RTTN: variants seen among roughly 807,000 people sequenced by gnomAD.
The protein encoded by RTTN is rotatin.
A neutral mutation model predicts 269.2 loss-of-function variants in RTTN; 182 were observed. That is an observed-to-expected ratio of 0.68 (90% CI 0.60 to 0.76). The LOEUF is 0.76. RTTN is among the 30% of genes least tolerant of loss of function. The pLI is 0.00. For missense variants in RTTN, 2,545 were observed against 2,608.6 expected (o/e 0.98, Z 0.53); for synonymous variants, 1,006 against 963.5 (o/e 1.04, Z -0.82).
intron 38 of RTTN, among the ~76,000 whole-genome samples, chr18:70,051,763 T>C (rs991575159): frequency 4.6e-5 from 7 of 152,182 alleles, no homozygotes; most frequent in Non-Finnish European, 1.0e-4. Flanking sequence ...CCCTCCTGCA[T>C]ATAAAGCCAC....
intron 29 of RTTN, 49 bp downstream of exon 29, chr18:70,092,627 T>C: frequency 6.3e-7 from 1 of 1,588,764 alleles, no homozygotes. Context: ...ACACAGCACA[T>C]TCCCTTTCAA....
intron 37 of RTTN, among the ~76,000 whole-genome samples, 197 bp downstream of exon 37, chr18:70,057,545 C>T (rs2057853664): frequency 1.3e-5 from 2 of 152,222 alleles, no homozygotes; most frequent in Admixed American, 1.3e-4. Context: ...TCTAGGTCTT[C>T]AAACCCCACC....
In RTTN at chr18:70,104,004, C is replaced by T. The variant is rs191000238; in HGVS notation, c.3903+5494G>A. ...TCTCAAGGAGTATCTTTGTGGCGTT[C>T]TCTGTATTTCCTGAATTTGAATGTT... On this transcript the variant is annotated intron_variant, in intron 28 of 48. Coordinates refer to ENST00000640769, the MANE Select transcript of RTTN (RefSeq NM_173630.4). Among the ~76,000 whole-genome samples, 499 of 152,170 alleles carry T rather than the reference C, an allele frequency of 3.3e-3. 14 individuals are homozygous for T. Among genetic ancestry groups the T allele is most frequent in the Admixed American group, 0.026 (401 of 15,278 alleles).
At chr18:70,120,529 C>T (rs573908283) in intron 26 of RTTN, among the ~76,000 whole-genome samples, 2 of 152,206 alleles carry the variant, frequency 1.3e-5, no homozygotes, top group South Asian at 4.1e-4. Flanking sequence ...CTTATAAGAT[C>T]CACTATGTCC....
chr18:70,026,947 G>A lies in RTTN; in HGVS notation c.5823+1777C>T, dbSNP rs546787162. ...GCTAGCACGTGCAAGCATGAATATC[G>A]GGTCTCTCACACCTGTGCTCTGCTC... On this transcript the variant is annotated intron_variant, in intron 43 of 48. Coordinates refer to ENST00000640769, the MANE Select transcript of RTTN (RefSeq NM_173630.4). Among the ~76,000 whole-genome samples the A allele has an allele frequency of 8.4e-4, 128 of 152,154 alleles. 3 individuals carry two copies. Among genetic ancestry groups the A allele is most frequent in the African/African-American group, 2.9e-3 (121 of 41,506 alleles).
Position 70,092,322 on chromosome 18 carries a change from G to T in RTTN, c.4033-102C>A, listed in dbSNP as rs1023529469. 1.3e-5 allele frequency: 10 copies of T among 768,942 alleles called. No individual in the cohort carries two copies. The East Asian group carries it at 1.9e-4, about 15-fold the overall frequency. The allele number at this position is 768,942 out of a possible 1,614,324, so 47.6% of individuals were successfully genotyped here. A position where few individuals can be genotyped will look rare whatever the true frequency, so the allele number is the denominator to read the frequency against. ...TTTTTAATGAAAACAACGTGAAAAT[G>T]TATTTTAGACTTGGTTTTAATCCAT... On this transcript the variant is annotated intron_variant, in intron 29 of 48. Coordinates refer to ENST00000640769, the MANE Select transcript of RTTN (RefSeq NM_173630.4).
At chr18:70,051,097 A>T (rs2057652544) in intron 39 of RTTN, among the ~76,000 whole-genome samples, 1 of 152,156 alleles carries the variant, frequency 6.6e-6, no homozygotes, top group African/African-American at 2.4e-5. Context: ...AAAAAAACCA[A>T]CAGTGGCCAA....
At chr18:70,141,919 A>C (rs2060267794) in intron 19 of RTTN, among the ~76,000 whole-genome samples, 1 of 152,196 alleles carries the variant, frequency 6.6e-6, no homozygotes, top group South Asian at 2.1e-4. Flanking sequence ...TAAACAGAGG[A>C]AGGAACATGC....
At chr18:70,070,822 C>A (rs2058274621) in intron 34 of RTTN, among the ~76,000 whole-genome samples, 1 of 152,172 alleles carries the variant, frequency 6.6e-6, no homozygotes, top group South Asian at 2.1e-4. Context: ...TCTAAGTATG[C>A]TTTATGTTCT....
chr18:70,205,099 T>C, intron 2 of RTTN, 29 bp downstream of exon 2: 1 of 1,592,110 alleles, frequency 6.3e-7, no homozygotes, highest in Non-Finnish European at 8.6e-7. Flanking sequence ...ACTCGTCTGA[T>C]TATTTTCTTT....
rs577270730 is a variant in RTTN, at chr18:70,188,353, T to C, written c.1190-130A>G. On this transcript the variant is annotated intron_variant, in intron 9 of 48. Coordinates refer to ENST00000640769, the MANE Select transcript of RTTN (RefSeq NM_173630.4). ...ATTTTCTCTTTTTTTCTAATGTTCT[T>C]AGAACTGTAGAGAAATCACAATTTA... is the stretch of plus-strand genomic sequence containing the variant. 5.0e-6 allele frequency: 3 copies of C among 601,378 alleles called. No homozygotes were observed. The South Asian group carries it at 6.6e-5, about 13-fold the overall frequency. 37.3% of individuals were successfully genotyped at this position (601,378 alleles called of 1,614,324 possible).
chr18:70,164,210 CTT>C (rs71178854), intron 14 of RTTN, among the ~76,000 whole-genome samples: 17,569 of 141,970 alleles, frequency 0.12, 1,356 homozygotes, highest in African/African-American at 0.23. Context: ...AAATTTTTTC[CTT>C]TTTTTTTTTT....
chr18:70,196,763 C>G, intron 6 of RTTN, 115 bp from the exon 7 acceptor site: 1 of 1,032,756 alleles, frequency 9.7e-7, no homozygotes, highest in Non-Finnish European at 1.4e-6. Flanking sequence ...AAATAAGTTG[C>G]CAAATATTTG....
chr18:70,182,100 A>G (rs2061433431), intron 10 of RTTN, among the ~76,000 whole-genome samples: 1 of 152,220 alleles, frequency 6.6e-6, no homozygotes, highest in Non-Finnish European at 1.5e-5. Flanking sequence ...AAATCTCCTA[A>G]AAGTACTACA....
chr18:70,138,808 A>C (rs1359237414), intron 21 of RTTN: 1 of 152,186 alleles, frequency 6.6e-6, no homozygotes, highest in Non-Finnish European at 1.5e-5. Context: ...TTATAATAAC[A>C]TATTTTGAAC....
At chr18:70,009,795 G>A (rs1244022924) in intron 46 of RTTN, among the ~76,000 whole-genome samples, 5 of 152,098 alleles carry the variant, frequency 3.3e-5, no homozygotes, top group Non-Finnish European at 5.9e-5. Flanking sequence ...CAAATTGGAT[G>A]AAGCGTCAAG....
intron 45 of RTTN, chr18:70,019,491 A>AAT (rs2056639955): frequency 6.6e-6 from 1 of 152,214 alleles, no homozygotes; most frequent in African/African-American, 2.4e-5. Flanking sequence ...AATATATTCA[A>AAT]ATATATATAC....
chr18:70,086,443 G>T (rs1379436034), intron 32 of RTTN, among the ~76,000 whole-genome samples, 170 bp downstream of exon 32: 1 of 151,996 alleles, frequency 6.6e-6, no homozygotes, highest in Non-Finnish European at 1.5e-5. Flanking sequence ...CTATAGAGAA[G>T]AATTTTTAAG....
intron 21 of RTTN, chr18:70,138,886 T>A (rs1160392937): frequency 6.6e-6 from 1 of 152,082 alleles, no homozygotes; most frequent in Non-Finnish European, 1.5e-5. Flanking sequence ...TGCTTGTACG[T>A]GACTCTTCAG....
Sources: gnomAD v4.1 joint callset for allele counts (sites outside exome capture counted in the v4.1 genomes callset) on GRCh38, gnomAD v4.1.1 for gene constraint, MANE v1.5 for transcripts, NCBI Gene and HGNC (gene_info 2026-07-23, HGNC 2026-07-21) for gene names.